ZNF420: variants seen among roughly 807,000 people sequenced by gnomAD.
ZNF420 encodes ATM and p53-associated KZNF protein.
ZNF420 carries 31 observed loss-of-function variants against 44.7 expected under a neutral mutation model. The ratio of observed to expected loss-of-function variants is 0.69; its 90% CI spans 0.52 to 0.94. The LOEUF is 0.94. Among genes scored for constraint, ZNF420 ranks in the 40% least tolerant of loss-of-function variants. The pLI is 0.00. For missense variants in ZNF420, 681 were observed against 827.9 expected, an observed-to-expected ratio of 0.82 and a Z score of 2.18; for synonymous variants, 245 against 267.4, an observed-to-expected ratio of 0.92 and a Z score of 0.82.
intron 4 of ZNF420, among the ~76,000 whole-genome samples, chr19:37,125,279 A>C (rs1158340829): frequency 6.6e-6 from 1 of 152,248 alleles, no homozygotes; most frequent in Non-Finnish European, 1.5e-5. Flanking sequence ...AGACAAGTAA[A>C]TAAGAGAAGA....
Position 37,129,123 on chromosome 19 carries a change from C to G in ZNF420, c.*65C>G, listed in dbSNP as rs1361777556. 1.3e-6 allele frequency: 2 copies of G among 1,541,838 alleles called. No individual in the cohort carries two copies. The highest frequency in any genetic ancestry group is 4.5e-5 in the East Asian group (2 of 44,194). ...GGTTGTTAGCAGCAAAGAATTCTCACAAATGTGAATATGGGCGCACATTTG... is the reference window on the plus strand; with the variant it reads ...GGTTGTTAGCAGCAAAGAATTCTCAGAAATGTGAATATGGGCGCACATTTG... On this transcript the variant is annotated 3_prime_UTR_variant, in exon 5 of 5. Coordinates refer to ENST00000337995, the MANE Select transcript of ZNF420 (RefSeq NM_144689.5).
chr19:37,127,073 G>C, intron 4 of ZNF420, 55 bp from the exon 5 acceptor site: 1 of 1,373,276 alleles, frequency 7.3e-7, no homozygotes, highest in Non-Finnish European at 9.6e-7. Flanking sequence ...CCTATTATTT[G>C]TCTTTTCTAT....
At chr19:37,125,245 G>T (rs1971284261) in intron 4 of ZNF420, among the ~76,000 whole-genome samples, 1 of 152,134 alleles carries the variant, frequency 6.6e-6, no homozygotes, top group African/African-American at 2.4e-5. Context: ...GTTCTTCCCA[G>T]AACACACAGA....
intron 1 of ZNF420, among the ~76,000 whole-genome samples, chr19:37,021,105 C>T (rs994435753): frequency 2.6e-5 from 4 of 152,094 alleles, no homozygotes; most frequent in Non-Finnish European, 4.4e-5. Flanking sequence ...GAGCAAAAGA[C>T]GTGTAAACCA....
chr19:37,010,414 CTCACT>C (rs1159777906), intron 1 of ZNF420, among the ~76,000 whole-genome samples: 2 of 152,148 alleles, frequency 1.3e-5, no homozygotes, highest in African/African-American at 4.8e-5. Flanking sequence ...GGGCTGCTCT[CTCACT>C]TGAGAATCGT....
At chr19:37,024,538 C>T (rs1967115546) in intron 1 of ZNF420, among the ~76,000 whole-genome samples, 1 of 152,250 alleles carries the variant, frequency 6.6e-6, no homozygotes, top group East Asian at 1.9e-4. Flanking sequence ...CAACCGCCAC[C>T]TCCCAGGTTC....
chr19:37,045,082 GT>G (rs1967520155), intron 1 of ZNF420, among the ~76,000 whole-genome samples: 1 of 152,046 alleles, frequency 6.6e-6, no homozygotes, highest in Non-Finnish European at 1.5e-5. Context: ...AACCTTGTAG[GT>G]TTCTTTTCAT....
chr19:37,120,323 A>G (rs538781549), intron 4 of ZNF420, among the ~76,000 whole-genome samples: 2,734 of 151,896 alleles, frequency 0.018, 61 homozygotes, highest in East Asian at 0.045. Context: ...TTCAACATAC[A>G]CAAATCAATA....
chr19:37,094,024 T>TA (rs1969302534), intron 4 of ZNF420, among the ~76,000 whole-genome samples: 2 of 152,302 alleles, frequency 1.3e-5, no homozygotes, highest in African/African-American at 4.8e-5. Flanking sequence ...TAGAAATAGC[T>TA]ACGGTCTTTT....
At chr19:37,098,626 G>T (rs932396370) in intron 4 of ZNF420, among the ~76,000 whole-genome samples, 2 of 152,134 alleles carry the variant, frequency 1.3e-5, no homozygotes, top group Non-Finnish European at 2.9e-5. Flanking sequence ...TATGTGTATT[G>T]TGTAATTATC....
intron 1 of ZNF420, among the ~76,000 whole-genome samples, chr19:37,018,488 A>G (rs1417151274): frequency 6.6e-6 from 1 of 152,240 alleles, no homozygotes; most frequent in Non-Finnish European, 1.5e-5. Flanking sequence ...AGATCAGTCA[A>G]TGGGGATATG....
intron 1 of ZNF420, among the ~76,000 whole-genome samples, chr19:37,044,186 A>G (rs1967505041): frequency 6.6e-6 from 1 of 152,206 alleles, no homozygotes; most frequent in South Asian, 2.1e-4. Context: ...TGACCTGGAG[A>G]TAAACTTGGC....
chr19:37,114,285 T>A (rs1970538968), intron 4 of ZNF420, among the ~76,000 whole-genome samples: 2 of 152,154 alleles, frequency 1.3e-5, no homozygotes, highest in Non-Finnish European at 2.9e-5. Context: ...TTCCTGGCTG[T>A]CCATACTGAT....
chr19:37,085,940 TTA>T (rs1568445691), intron 2 of ZNF420, among the ~76,000 whole-genome samples: 655 of 21,062 alleles, frequency 0.031, 9 homozygotes, highest in African/African-American at 0.08. Context: ...TGATGTTTTA[TTA>T]TTATTATTAT....
chr19:37,128,643 G>T lies in ZNF420; in HGVS notation c.1652G>T (p.Arg551Ile), dbSNP rs772103564. Reference sequence around the variant, plus strand: ...GGCTTACTACTTATACAACATCAGAGAATTCATACTGGTGAGAAACCATAT... The same window carrying T: ...GGCTTACTACTTATACAACATCAGATAATTCATACTGGTGAGAAACCATAT... ...ARGLLLIQHQRIHTGEKPYQC... is the reference protein window; with the variant it reads ...ARGLLLIQHQIIHTGEKPYQC... Residue 551 changes from arginine to isoleucine, a missense_variant, in exon 5 of 5, where the codon AGA (arginine) becomes ATA (isoleucine). Coordinates refer to ENST00000337995, the MANE Select transcript of ZNF420 (RefSeq NM_144689.5). 10 of 1,613,980 alleles carry T rather than the reference G, an allele frequency of 6.2e-6. No individual in the cohort carries two copies. The highest frequency in any genetic ancestry group is 1.3e-5 in the African/African-American group (1 of 74,928).
At chr19:37,056,966 T>G (rs915225004) in intron 1 of ZNF420, among the ~76,000 whole-genome samples, 1 of 152,250 alleles carries the variant, frequency 6.6e-6, no homozygotes, top group Admixed American at 6.5e-5. Flanking sequence ...CAGCCTGACT[T>G]CCAGCAGCGG....
intron 1 of ZNF420, among the ~76,000 whole-genome samples, chr19:37,048,516 C>T (rs1967580003): frequency 6.6e-6 from 1 of 152,068 alleles, no homozygotes; most frequent in Non-Finnish European, 1.5e-5. Flanking sequence ...CTTGCTGAGC[C>T]AGGTAGGTGT....
At chr19:37,041,310 CAAAAAA>C in intron 1 of ZNF420, among the ~76,000 whole-genome samples, 1 of 132,672 alleles carries the variant, frequency 7.5e-6, no homozygotes, top group Admixed American at 7.7e-5. Context: ...AACACTATCT[CAAAAAA>C]AAAAAAAAAA....
chr19:37,102,765 A>G (rs1888275489), intron 4 of ZNF420, among the ~76,000 whole-genome samples: 1 of 152,012 alleles, frequency 6.6e-6, no homozygotes, highest in African/African-American at 2.4e-5. Flanking sequence ...GTTACCTCCT[A>G]TTTCTGCCAT....
Sources: gnomAD v4.1 joint callset for allele counts (sites outside exome capture counted in the v4.1 genomes callset) on GRCh38, gnomAD v4.1.1 for gene constraint, MANE v1.5 for transcripts, NCBI Gene and HGNC (gene_info 2026-07-23, HGNC 2026-07-21) for gene names.